FMO2: variants seen among roughly 807,000 people sequenced by gnomAD.
The protein encoded by FMO2 is flavin-containing monooxygenase 2.
FMO2 carries 33 observed loss-of-function variants against 41.6 expected under a neutral mutation model. That is an observed-to-expected ratio of 0.79 (90% CI 0.60 to 1.06). The LOEUF is 1.06. Ranked by LOEUF, FMO2 falls within the 50% of genes least tolerant of loss-of-function variation. The pLI is 0.00. For synonymous variants in FMO2, 214 were observed against 219.6 expected (o/e 0.97, Z 0.23); for missense variants, 619 against 632.9 (o/e 0.98, Z 0.23).
At chr1:171,191,192 G>A (rs1242075399) in intron 2 of FMO2, among the ~76,000 whole-genome samples, 5 of 151,966 alleles carry the variant, frequency 3.3e-5, no homozygotes, top group African/African-American at 1.2e-4. Context: ...AAATAGTGAG[G>A]TCATTATTGT....
Position 171,207,793 on chromosome 1 carries a change from A to G in FMO2, c.1256+3A>G. Reference sequence around the variant, plus strand: ...AGGAATGAAAAAAGAATTGACCTGTAAGAATTTTTTTTAATTCTTTACATG... The same window carrying G: ...AGGAATGAAAAAAGAATTGACCTGTGAGAATTTTTTTTAATTCTTTACATG... On this transcript the variant is annotated splice_donor_region_variant and intron_variant, in intron 8 of 8. Coordinates refer to ENST00000209929, the MANE Select transcript of FMO2 (RefSeq NM_001460.5). The G allele has an allele frequency of 6.3e-7, 1 of 1,578,266 alleles. No individual in the cohort carries two copies. Among genetic ancestry groups the G allele is most frequent in the Admixed American group, 1.7e-5 (1 of 59,712 alleles).
rs905365372 is a variant in FMO2 at position 171,210,349 on chromosome 1, A to G, written c.*1204A>G. 18 of 152,350 alleles carry G rather than the reference A, an allele frequency of 1.2e-4. No individual in the cohort carries two copies. In the East Asian group the frequency reaches 3.3e-3, roughly 28 times the overall value. The allele number at this position is 152,350 out of a possible 1,614,324, so 9.4% of individuals were successfully genotyped here. The stretch of plus-strand genomic sequence containing the variant: ...AAGCATTATAATGACTGACACTTGT[A>G]TCTAACTCCAGTCTTACAGATAACT... On this transcript the variant is annotated 3_prime_UTR_variant, in exon 9 of 9. Transcript: ENST00000209929.
At chr1:171,193,251 C>A in intron 2 of FMO2, 84 bp from the exon 3 acceptor site, 1 of 819,372 alleles carries the variant, frequency 1.2e-6, no homozygotes. Flanking sequence ...AATCGCATTA[C>A]CCAGGGGTTA....
chr1:171,208,668 G>C lies in FMO2; in HGVS notation c.1257-126G>C, dbSNP rs908187639. On this transcript the variant is annotated intron_variant, in intron 8 of 8. Transcript: ENST00000209929. ...TATGATAAACTCAAACTTTCCACCA[G>C]AGATTCATTGAAAACTCATTCACAT... 26 of 848,134 alleles carry C rather than the reference G, an allele frequency of 3.1e-5. No individual in the cohort carries two copies. In the Admixed American group the frequency reaches 3.2e-4, roughly 11 times the overall value. The allele number at this position is 848,134 out of a possible 1,614,324, so 52.5% of individuals were successfully genotyped here.
chr1:171,200,244 C>T (rs1467650699), intron 5 of FMO2, among the ~76,000 whole-genome samples: 1 of 152,154 alleles, frequency 6.6e-6, no homozygotes, highest in Non-Finnish European at 1.5e-5. Flanking sequence ...CTTCTTTGCA[C>T]CTGCTCAGGA....
At chr1:171,195,821 C>A (rs980586332) in intron 3 of FMO2, among the ~76,000 whole-genome samples, 1 of 152,144 alleles carries the variant, frequency 6.6e-6, no homozygotes, top group Admixed American at 6.5e-5. Context: ...ACCAATAAAT[C>A]ATTTTATTCA....
chr1:171,205,703 G>A (rs973043685), intron 7 of FMO2, 69 bp downstream of exon 7: 2 of 1,072,830 alleles, frequency 1.9e-6, no homozygotes, highest in South Asian at 1.9e-5. Flanking sequence ...ATGATAAGAA[G>A]GTTGCCTGAG....
intron 4 of FMO2, 36 bp downstream of exon 4, chr1:171,196,847 G>A: frequency 6.3e-7 from 1 of 1,592,862 alleles, no homozygotes; most frequent in Non-Finnish European, 8.6e-7. Flanking sequence ...TTTTGGAGTA[G>A]GTTTCCAGGT....
chr1:171,205,259 T>C lies in FMO2; in HGVS notation c.828-20T>C, dbSNP rs1310333942. On this transcript the variant is annotated intron_variant, in intron 6 of 8. Coordinates refer to ENST00000209929, the MANE Select transcript of FMO2 (RefSeq NM_001460.5). Reference sequence around the variant, plus strand: ...CTCAGCAAATGATCCTTCAGAATGTTTTTCTTCTGTATGTCTCAGATACAT... The same window carrying C: ...CTCAGCAAATGATCCTTCAGAATGTCTTTCTTCTGTATGTCTCAGATACAT... 6.8e-7 allele frequency: 1 copy of C among 1,470,414 alleles called. No individual in the cohort carries two copies. Among genetic ancestry groups the C allele is most frequent in the African/African-American group, 1.4e-5 (1 of 71,328 alleles). The allele number at this position is 1,470,414 out of a possible 1,614,324, so 91.1% of individuals were successfully genotyped here.
intron 2 of FMO2, 73 bp downstream of exon 2, chr1:171,185,918 C>T: frequency 5.7e-6 from 8 of 1,415,732 alleles, no homozygotes; most frequent in Non-Finnish European, 2.0e-6. Context: ...ACTGATGGGT[C>T]ATATTGAGAA....
intron 5 of FMO2, among the ~76,000 whole-genome samples, chr1:171,203,330 C>T (rs1458716178): frequency 2.6e-5 from 3 of 116,254 alleles, no homozygotes; most frequent in Non-Finnish European, 5.3e-5. Context: ...GTCTCACACA[C>T]ACACACACAC....
chr1:171,195,550 C>CT (rs1658271607), intron 3 of FMO2, among the ~76,000 whole-genome samples: 1 of 152,168 alleles, frequency 6.6e-6, no homozygotes, highest in Non-Finnish European at 1.5e-5. Flanking sequence ...AGCCCTTTTA[C>CT]AAGATTTCTA....
chr1:171,200,692 C>T (rs941220591), intron 5 of FMO2, among the ~76,000 whole-genome samples: 2 of 152,074 alleles, frequency 1.3e-5, no homozygotes, highest in Admixed American at 1.3e-4. Flanking sequence ...GTCACTAACA[C>T]CGGAAAGAGA....
chr1:171,199,250 A>T lies in FMO2; in HGVS notation c.485-96A>T, dbSNP rs942450994. On this transcript the variant is annotated intron_variant, in intron 4 of 8. Coordinates refer to ENST00000209929, the MANE Select transcript of FMO2 (RefSeq NM_001460.5). ...AGAGAAGAGGCAAAACAAATTATTA[A>T]CTCCAGAAAGGAAAAGCTGGCAATG... 3.5e-5 allele frequency: 43 copies of T among 1,240,226 alleles called. 1 individual carries two copies. Among genetic ancestry groups the T allele is most frequent in the African/African-American group, 4.6e-5 (3 of 64,836 alleles). 76.8% of individuals were successfully genotyped at this position (1,240,226 alleles called of 1,614,324 possible).
chr1:171,196,495 C>A (rs529569582), intron 3 of FMO2, among the ~76,000 whole-genome samples, 154 bp from the exon 4 acceptor site: 2 of 152,302 alleles, frequency 1.3e-5, no homozygotes, highest in South Asian at 4.1e-4. Context: ...CTTTTCTTTT[C>A]TCTCTCAAGT....
chr1:171,207,870 G>C, intron 8 of FMO2, 80 bp downstream of exon 8: 1 of 915,280 alleles, frequency 1.1e-6, no homozygotes, highest in South Asian at 1.5e-5. Context: ...GAACCACCTA[G>C]CTGCCTGATA....
rs1658819212 is a variant in FMO2, at chr1:171,207,682, C to G, written c.1184-36C>G. The G allele has an allele frequency of 3.7e-6, 5 of 1,369,542 alleles. No individual in the cohort carries two copies. In the East Asian group the frequency reaches 9.2e-5, roughly 25 times the overall value. 84.8% of individuals were successfully genotyped at this position (1,369,542 alleles called of 1,614,324 possible). A position where few individuals can be genotyped will look rare whatever the true frequency, so the allele number is the denominator to read the frequency against. On this transcript the variant is annotated intron_variant, in intron 7 of 8. Transcript: ENST00000209929. ...ACTAGACAAAGTAATGATATTGACT[C>G]AAACTTACTATTCAAACCAACCTTT...
chr1:171,208,702 A>G (rs1658860361), intron 8 of FMO2, 92 bp from the exon 9 acceptor site: 1 of 1,170,698 alleles, frequency 8.5e-7, no homozygotes, highest in Non-Finnish European at 1.2e-6. Context: ...ATATTCACTC[A>G]TTCCTTCATT....
intron 7 of FMO2, among the ~76,000 whole-genome samples, chr1:171,205,927 T>C (rs772896606): frequency 6.6e-6 from 1 of 152,226 alleles, no homozygotes; most frequent in Non-Finnish European, 1.5e-5. Context: ...TCGTGAGAGA[T>C]AAGTTTAAGA....
Sources: gnomAD v4.1 joint callset for allele counts (sites outside exome capture counted in the v4.1 genomes callset) on GRCh38, gnomAD v4.1.1 for gene constraint, MANE v1.5 for transcripts, NCBI Gene and HGNC (gene_info 2026-07-23, HGNC 2026-07-21) for gene names.